RP1: variants seen among roughly 807,000 people sequenced by gnomAD.
The protein encoded by RP1 is oxygen-regulated protein 1.
RP1 carries 16 observed loss-of-function variants against 14.8 expected under a neutral mutation model. The ratio of observed to expected loss-of-function variants is 1.08; its 90% confidence interval spans 0.73 to 1.65. RP1 has a LOEUF of 1.65. Among genes scored for constraint, RP1 ranks in the 40% most tolerant of loss-of-function variants. The pLI is 0.00. For synonymous variants in RP1, 876 were observed against 883.6 expected (o/e 0.99, Z 0.15); for missense variants, 2,631 against 2,535.0 (o/e 1.04, Z -0.81).
intron 24 of RP1, among the ~76,000 whole-genome samples, chr8:54,796,954 A>G (rs1195454155): frequency 1.3e-5 from 2 of 152,194 alleles, no homozygotes; most frequent in Non-Finnish European, 2.9e-5. Context: ...GAGAGATATT[A>G]TAGGGAATGA....
intron 19 of RP1, among the ~76,000 whole-genome samples, chr8:54,745,559 C>A (rs2129361609): frequency 1.3e-5 from 2 of 152,230 alleles, no homozygotes; most frequent in Admixed American, 1.3e-4. Flanking sequence ...GCAGGGGGAG[C>A]TCAGCAAATG....
chr8:54,627,333 C>A lies in RP1; in HGVS notation c.3451C>A (p.His1151Asn), dbSNP rs774378003. 6.2e-7 allele frequency: 1 copy of A among 1,614,026 alleles called. No homozygotes were observed. Among genetic ancestry groups the A allele is most frequent in the South Asian group, 1.1e-5 (1 of 91,084 alleles). ...GAATAGCTTCTGTCAAGTTGATGCT[C>A]ACAAGGCTACCAACAAATCTTCAGA... ...SMNSFCQVDA[H>N]KATNKSSETL... The change falls in exon 4 of 4, where the codon CAC (histidine) becomes AAC (asparagine). Residue 1151 changes from histidine to asparagine, a missense_variant. By Grantham distance (68) the His-to-Asn change is moderately conservative. Transcript: ENST00000220676.
chr8:54,734,206 G>A (rs1808858140), intron 17 of RP1, among the ~76,000 whole-genome samples: 1 of 152,026 alleles, frequency 6.6e-6, no homozygotes, highest in African/African-American at 2.4e-5. Context: ...AAATATGTAG[G>A]TCAAGCAGGC....
rs1168950227 is a variant in RP1 at position 54,625,464 on chromosome 8, G to A, written c.1582G>A (p.Glu528Lys). The part of the protein sequence containing the change: ...VQINNNDQME[E>K]SSLERKKENS... ...GATCAATAACAATGATCAAATGGAG[G>A]AGTCATCATTAGAAAGAAAAAAGGA... The change falls in exon 4 of 4, where the codon GAG becomes AAG. Residue 528 changes from glutamate (E) to lysine (K), a missense_variant. Physicochemically the swap from Glu to Lys is moderately conservative, Grantham distance 56. Transcript: ENST00000220676. 1 of 1,613,926 alleles carries A rather than the reference G, an allele frequency of 6.2e-7. No individual in the cohort carries two copies. The highest frequency in any genetic ancestry group is 8.5e-7 in the Non-Finnish European group (1 of 1,180,006).
exon 16 of RP1, chr8:54,720,225 G>A: frequency 3.9e-6 from 6 of 1,535,912 alleles, no homozygotes; most frequent in Non-Finnish European, 5.2e-6. Context: ...ATTGTTTGTT[G>A]GACTTCAGTC....
In RP1 at chr8:54,722,273, T is replaced by TG. The variant is rs1554527256; in HGVS notation, c.2389+1967_2389+1968insG. 1.8e-3 allele frequency among the ~76,000 whole-genome samples: 238 copies of TG among 129,214 alleles called. 3 individuals carry two copies. Among genetic ancestry groups the TG allele is most frequent in the African/African-American group, 6.3e-3 (225 of 35,882 alleles). The allele number at this position is 129,214 out of a possible 152,430, so 84.8% of individuals were successfully genotyped here. A position where few individuals can be genotyped will look rare whatever the true frequency, so the allele number is the denominator to read the frequency against. ...TTATTATTTTAGAATGGTTTTTTTT[T>TG]TTGTGTGTGTGTGTGTGTGACGGAG... is the stretch of plus-strand genomic sequence containing the variant. On this transcript the variant is annotated intron_variant, in intron 16 of 22. Transcript: ENST00000636932.
rs112448257 is a variant in RP1 at position 54,804,151 on chromosome 8, G to T, written c.3615+20441G>T. Reference sequence around the variant, plus strand: ...ATAAATGATTACATATGTGGGGGGGGGCTAGGTTAGAGGGGTTAGTAGGAA... The same window carrying T: ...ATAAATGATTACATATGTGGGGGGGTGCTAGGTTAGAGGGGTTAGTAGGAA... On this transcript the variant is annotated intron_variant, in intron 24 of 28. Coordinates refer to the RP1 transcript ENST00000637698. Among the ~76,000 whole-genome samples, 6 of 151,104 alleles carry T rather than the reference G, an allele frequency of 4.0e-5. No homozygotes were observed. The Admixed American group carries it at 4.0e-4, about 10-fold the overall frequency.
intron 23 of RP1, among the ~76,000 whole-genome samples, chr8:54,777,676 T>G (rs1810076319): frequency 6.6e-6 from 1 of 152,192 alleles, no homozygotes; most frequent in Non-Finnish European, 1.5e-5. Flanking sequence ...GATCCTCTTA[T>G]GAGGTTGTAT....
At chr8:54,756,662 A>G (rs531508412) in intron 21 of RP1, among the ~76,000 whole-genome samples, 2 of 152,328 alleles carry the variant, frequency 1.3e-5, no homozygotes, top group African/African-American at 2.4e-5. Context: ...TATTATTAAT[A>G]TTACGCTAAG....
intron 17 of RP1, chr8:54,726,557 A>C: frequency 7.0e-7 from 1 of 1,419,550 alleles, no homozygotes; most frequent in Non-Finnish European, 9.2e-7. Context: ...GAAGACTATT[A>C]AATTATTTTT....
chr8:54,676,584 G>T (rs1464632866), intron 8 of RP1, among the ~76,000 whole-genome samples: 3 of 152,092 alleles, frequency 2.0e-5, no homozygotes, highest in Admixed American at 1.3e-4. Flanking sequence ...AAACAATGCC[G>T]GTTAATAAGA....
In RP1 at chr8:54,626,589, T is replaced by C. The variant is rs1806058137; in HGVS notation, c.2707T>C (p.Phe903Leu). The C allele has an allele frequency of 6.2e-7, 1 of 1,613,330 alleles. No individual in the cohort carries two copies. The highest frequency in any genetic ancestry group is 1.3e-5 in the African/African-American group (1 of 74,820). ...TTTAGCTTCTTTGAAAAAACCTGAT[T>C]TTCCTGAGGCTATTGCTCATCATTC... is the stretch of plus-strand genomic sequence containing the variant. The part of the protein sequence containing the change: ...NSLASLKKPD[F>L]PEAIAHHSIQ... The change falls in exon 4 of 4, where the codon TTT (phenylalanine) becomes CTT (leucine). Residue 903 changes from phenylalanine to leucine, a missense_variant. By Grantham distance (22) the Phe-to-Leu change is conservative (BLOSUM62 0). Transcript: ENST00000220676.
At chr8:54,853,798 GAGAA>G (rs1812115755) in intron 26 of RP1, among the ~76,000 whole-genome samples, 1 of 142,440 alleles carries the variant, frequency 7.0e-6, no homozygotes, top group Non-Finnish European at 1.5e-5. Context: ...GAAAGAGAGA[GAGAA>G]AGAAAGAGAA....
intron 15 of RP1, among the ~76,000 whole-genome samples, chr8:54,711,635 G>A (rs1172444050): frequency 6.6e-6 from 1 of 152,194 alleles, no homozygotes; most frequent in Non-Finnish European, 1.5e-5. Flanking sequence ...AATTAGGAAA[G>A]CAAACACCTG....
At chr8:54,779,276 A>G (rs1234893540) in intron 23 of RP1, among the ~76,000 whole-genome samples, 1 of 152,198 alleles carries the variant, frequency 6.6e-6, no homozygotes, top group Non-Finnish European at 1.5e-5. Flanking sequence ...GGTAAGAGTC[A>G]TGGGAACACG....
chr8:54,605,423 T>C lies in RP1; in HGVS notation c.-12-15532T>C, dbSNP rs866441237. ...GAGAGAGAGTTTGTTATAATTTCTATTCTTTTACATTTGCTGAGAAGTGCT... is the reference window on the plus strand; with the variant it reads ...GAGAGAGAGTTTGTTATAATTTCTACTCTTTTACATTTGCTGAGAAGTGCT... On this transcript the variant is annotated intron_variant, in intron 1 of 22. Transcript: ENST00000636932. 2.0e-5 allele frequency among the ~76,000 whole-genome samples: 3 copies of C among 152,212 alleles called. No individual in the cohort carries two copies. In the South Asian group the frequency reaches 6.2e-4, roughly 32 times the overall value.
At chr8:54,570,760 T>C (rs747246388) in intron 1 of RP1, among the ~76,000 whole-genome samples, 2 of 152,008 alleles carry the variant, frequency 1.3e-5, no homozygotes, top group Non-Finnish European at 2.9e-5. Flanking sequence ...TCACATTAAA[T>C]AATACAATAC....
chr8:54,562,545 G>A (rs921036169), intron 1 of RP1, among the ~76,000 whole-genome samples: 4 of 151,972 alleles, frequency 2.6e-5, no homozygotes, highest in Non-Finnish European at 4.4e-5. Flanking sequence ...GTGGTGGCAG[G>A]CACCTGTAAT....
intron 24 of RP1, among the ~76,000 whole-genome samples, chr8:54,827,669 C>T (rs1448523295): frequency 2.6e-5 from 4 of 151,962 alleles, no homozygotes; most frequent in South Asian, 2.1e-4. Flanking sequence ...GAGGCCGAGA[C>T]GGCAGATCAC....
Sources: allele counts gnomAD v4.1 joint callset (sites outside exome capture counted in the v4.1 genomes callset), GRCh38; gene constraint gnomAD v4.1.1; transcripts MANE v1.5; gene names NCBI Gene and HGNC (gene_info 2026-07-23, HGNC 2026-07-21).